The following AP3M1 variants were observed in gnomAD, a reference collection of about 807,000 sequenced individuals.
The protein encoded by AP3M1 is adaptor related protein complex 3 subunit mu 1.
AP3M1 carries 29 observed loss-of-function variants against 42.6 expected under a neutral mutation model. That is an observed-to-expected ratio of 0.68 (90% CI 0.51 to 0.93). AP3M1 has a LOEUF of 0.93. Among genes scored for constraint, AP3M1 ranks in the 40% least tolerant of loss-of-function variants. AP3M1 has a pLI of 0.00. For synonymous variants in AP3M1, 178 were observed against 175.3 expected (o/e 1.02, Z -0.12); for missense variants, 416 against 510.2 (o/e 0.82, Z 1.78).
intron 7 of AP3M1, among the ~76,000 whole-genome samples, chr10:74,125,826 T>C (rs1388744372): frequency 2.6e-5 from 4 of 152,244 alleles, no homozygotes; most frequent in African/African-American, 9.6e-5. Flanking sequence ...TCTTCTTCAA[T>C]CTACATAATG....
At chr10:74,130,482 T>C (rs1840748945) in intron 4 of AP3M1, among the ~76,000 whole-genome samples, 1 of 151,622 alleles carries the variant, frequency 6.6e-6, no homozygotes, top group Non-Finnish European at 1.5e-5. Context: ...GGTCTTGCTC[T>C]GTCACCCAGG....
intron 6 of AP3M1, among the ~76,000 whole-genome samples, chr10:74,127,789 CAG>C: frequency 6.6e-6 from 1 of 151,902 alleles, no homozygotes; most frequent in South Asian, 2.1e-4. Flanking sequence ...TAAATGAAAA[CAG>C]TTCCTATGTG....
chr10:74,130,285 ACTGAAGCTTTACAT>A (rs1049229365), intron 4 of AP3M1, among the ~76,000 whole-genome samples: 7 of 152,082 alleles, frequency 4.6e-5, no homozygotes, highest in Non-Finnish European at 7.4e-5. Flanking sequence ...TGTCAGATTA[ACTGAAGCTTTACAT>A]CTCTATTAAC....
chr10:74,127,406 G>A (rs1318301981), intron 6 of AP3M1, among the ~76,000 whole-genome samples: 2 of 152,036 alleles, frequency 1.3e-5, no homozygotes, highest in South Asian at 2.1e-4. Context: ...CACTTTGGGA[G>A]GCCAAGGCAG....
intron 4 of AP3M1, among the ~76,000 whole-genome samples, chr10:74,132,544 A>G (rs1053908148): frequency 7.9e-5 from 12 of 151,750 alleles, no homozygotes; most frequent in African/African-American, 2.7e-4. Context: ...AACAAATAAA[A>G]GTTAGCCAGG....
chr10:74,146,239 G>A (rs1225738194), intron 1 of AP3M1, among the ~76,000 whole-genome samples: 1 of 152,168 alleles, frequency 6.6e-6, no homozygotes, highest in African/African-American at 2.4e-5. Context: ...AGATGAAACT[G>A]GACAAGGAGG....
At chr10:74,140,291 G>A (rs1175189688) in intron 1 of AP3M1, among the ~76,000 whole-genome samples, 1 of 152,244 alleles carries the variant, frequency 6.6e-6, no homozygotes, top group Non-Finnish European at 1.5e-5. Flanking sequence ...CTGCCTTGGG[G>A]CGCTCCTGGC....
chr10:74,134,648 A>C (rs1273391655), intron 3 of AP3M1, among the ~76,000 whole-genome samples: 1 of 152,232 alleles, frequency 6.6e-6, no homozygotes, highest in Non-Finnish European at 1.5e-5. Flanking sequence ...CAGCATACCC[A>C]TACGGCTGCA....
At chr10:74,133,842 G>T (rs1840858388) in intron 4 of AP3M1, among the ~76,000 whole-genome samples, 185 bp downstream of exon 4, 1 of 151,798 alleles carries the variant, frequency 6.6e-6, no homozygotes, top group Non-Finnish European at 1.5e-5. Flanking sequence ...CTTTAGTAGA[G>T]ACAGAGTTTC....
At chr10:74,147,210 G>A (rs1309050550) in intron 1 of AP3M1, among the ~76,000 whole-genome samples, 1 of 152,076 alleles carries the variant, frequency 6.6e-6, no homozygotes, top group Non-Finnish European at 1.5e-5. Flanking sequence ...GCTTGAACCC[G>A]GGAGGTGGAG....
intron 1 of AP3M1, among the ~76,000 whole-genome samples, chr10:74,149,058 T>A (rs1364133488): frequency 6.6e-6 from 1 of 150,518 alleles, no homozygotes; most frequent in Non-Finnish European, 1.5e-5. Flanking sequence ...TTTTTAGTAG[T>A]GACGGGGTTT....
At chr10:74,138,014 A>G in intron 2 of AP3M1, 93 bp downstream of exon 2, 1 of 1,315,920 alleles carries the variant, frequency 7.6e-7, no homozygotes, top group East Asian at 2.5e-5. Flanking sequence ...CAGACAGTAA[A>G]CATCAAAACC....
In AP3M1 at chr10:74,123,743, A is replaced by C. The variant is rs1402580145; in HGVS notation, c.*67T>G. The C allele has an allele frequency of 8.4e-7, 1 of 1,193,804 alleles. No individual in the cohort carries two copies. The highest frequency in any genetic ancestry group is 1.5e-5 in the African/African-American group (1 of 66,650). The allele number at this position is 1,193,804 out of a possible 1,614,324, so 74.0% of individuals were successfully genotyped here. A position where few individuals can be genotyped will look rare whatever the true frequency, so the allele number is the denominator to read the frequency against. ...GAATATGTATTCCCACTCACTTGGT[A>C]CCTAATAGTGATACATCGTAATGAC... is the stretch of plus-strand genomic sequence containing the variant. On this transcript the variant is annotated 3_prime_UTR_variant, in exon 9 of 9. Coordinates refer to ENST00000355264, the MANE Select transcript of AP3M1 (RefSeq NM_012095.6).
intron 1 of AP3M1, among the ~76,000 whole-genome samples, chr10:74,144,528 C>A (rs1212784225): frequency 6.6e-6 from 1 of 152,078 alleles, no homozygotes; most frequent in African/African-American, 2.4e-5. Context: ...CTTGATCTCC[C>A]AAAGTTCTGG....
chr10:74,127,356 TG>T (rs1840648513), intron 6 of AP3M1, among the ~76,000 whole-genome samples: 1 of 151,806 alleles, frequency 6.6e-6, no homozygotes, highest in East Asian at 1.9e-4. Context: ...TATAAACAAT[TG>T]GGGTGGCTGG....
intron 1 of AP3M1, 131 bp from the exon 2 acceptor site, chr10:74,138,513 AT>A (rs1841017523): frequency 1.4e-6 from 1 of 724,956 alleles, no homozygotes; most frequent in Admixed American, 3.1e-5. Flanking sequence ...ACAAAAATCA[AT>A]CAACATGATA....
intron 1 of AP3M1, among the ~76,000 whole-genome samples, chr10:74,149,301 T>C (rs1473332861): frequency 3.3e-5 from 2 of 60,652 alleles, no homozygotes; most frequent in Non-Finnish European, 6.6e-5. Flanking sequence ...TTTTTTTTTT[T>C]TTTTTCGAGG....
At chr10:74,147,279 C>T (rs1432103526) in intron 1 of AP3M1, among the ~76,000 whole-genome samples, 1 of 113,520 alleles carries the variant, frequency 8.8e-6, no homozygotes, top group African/African-American at 2.8e-5. Flanking sequence ...AGCGAGACTC[C>T]ATCTCAACAA....
chr10:74,132,564 G>A (rs945180694), intron 4 of AP3M1, among the ~76,000 whole-genome samples: 4 of 151,874 alleles, frequency 2.6e-5, no homozygotes, highest in South Asian at 2.1e-4. Flanking sequence ...GCATGGTGGC[G>A]TGTGGCGTGT....
Sources: gnomAD v4.1 joint callset for allele counts (sites outside exome capture counted in the v4.1 genomes callset) on GRCh38, gnomAD v4.1.1 for gene constraint, MANE v1.5 for transcripts, NCBI Gene and HGNC (gene_info 2026-07-23, HGNC 2026-07-21) for gene names.